Variants in IARS1 observed in about 807,000 individuals in gnomAD.
The protein encoded by IARS1 is isoleucyl-tRNA synthetase 1, also known as isoleucine--tRNA ligase, cytoplasmic.
In IARS1, 124 loss-of-function variants were observed where a neutral mutation model predicts 168.2. That is an observed-to-expected ratio of 0.74 (90% CI 0.64 to 0.86). The LOEUF (loss-of-function observed/expected upper bound fraction) is 0.86. Ranked by LOEUF, IARS1 falls within the 40% of genes least tolerant of loss-of-function variation. IARS1 has a pLI of 0.00. For missense variants in IARS1, 1,452 were observed against 1,515.8 expected, an observed-to-expected ratio of 0.96 and a Z score of 0.70; for synonymous variants, 532 against 529.4, an observed-to-expected ratio of 1.00 and a Z score of -0.07.
At chr9:92,236,339 A>G (rs577861141) in intron 30 of IARS1, among the ~76,000 whole-genome samples, 2 of 152,162 alleles carry the variant, frequency 1.3e-5, no homozygotes, top group Non-Finnish European at 2.9e-5. Flanking sequence ...TAATAACCAC[A>G]TAAAATGAGT....
chr9:92,221,602 A>G (rs941926370), intron 33 of IARS1, among the ~76,000 whole-genome samples: 1 of 152,244 alleles, frequency 6.6e-6, no homozygotes, highest in African/African-American at 2.4e-5. Flanking sequence ...AAGTTGACAG[A>G]GCAGCCACAG....
intron 30 of IARS1, among the ~76,000 whole-genome samples, chr9:92,229,992 C>CT (rs1826406207): frequency 1.3e-5 from 2 of 149,932 alleles, no homozygotes; most frequent in African/African-American, 4.9e-5. Context: ...CCATTCCCTC[C>CT]TTAATCCCTG....
chr9:92,227,715 C>T (rs1465350382), intron 31 of IARS1, among the ~76,000 whole-genome samples: 14 of 150,022 alleles, frequency 9.3e-5, no homozygotes, highest in African/African-American at 2.7e-4. Flanking sequence ...AGGGCAGAGG[C>T]GCTCCCCACA....
chr9:92,283,998 TG>T (rs1476506091), intron 6 of IARS1, among the ~76,000 whole-genome samples: 2 of 152,034 alleles, frequency 1.3e-5, no homozygotes, highest in African/African-American at 4.8e-5. Flanking sequence ...CCAGGCAACA[TG>T]GTGAAACCAC....
chr9:92,275,577 G>T (rs927273759), intron 9 of IARS1, among the ~76,000 whole-genome samples: 1 of 152,184 alleles, frequency 6.6e-6, no homozygotes, highest in African/African-American at 2.4e-5. Context: ...CAGAATACAT[G>T]GGTCCTTAGA....
rs750537974 is a variant in IARS1, at chr9:92,274,507, G to A, written c.909C>T (p.Gly303=). Residue 303 remains glycine, a synonymous_variant, in exon 10 of 34, where the codon GGC becomes GGT. Coordinates refer to ENST00000443024, the MANE Select transcript of IARS1 (RefSeq NM_002161.6). ...AGTTGTCAACAAGCACAGTGAAAGC[G>A]CCATTCTCTTTACACTGGAAAGAAA... The part of the protein sequence containing the change: ...FDYFLKCKEN[G]AFTVLVDNYV... The A allele has an allele frequency of 1.1e-5, 17 of 1,613,156 alleles. No individual in the cohort carries two copies. The highest frequency in any genetic ancestry group is 1.7e-4 in the Middle Eastern group (1 of 6,054).
intron 20 of IARS1, among the ~76,000 whole-genome samples, chr9:92,255,455 C>T (rs1326174434): frequency 6.6e-6 from 1 of 152,196 alleles, no homozygotes; most frequent in Non-Finnish European, 1.5e-5. Context: ...CCTGGACCTA[C>T]AGTTGTGATT....
chr9:92,222,744 C>T (rs545005422), intron 32 of IARS1, 72 bp from the exon 33 acceptor site: 20 of 1,520,582 alleles, frequency 1.3e-5, no homozygotes, highest in Middle Eastern at 2.1e-4. Flanking sequence ...GTGGCCACTG[C>T]GGACAGCTCT....
At chr9:92,212,911 G>A (rs1290695320) in intron 33 of IARS1, among the ~76,000 whole-genome samples, 2 of 152,052 alleles carry the variant, frequency 1.3e-5, no homozygotes, top group Non-Finnish European at 2.9e-5. Context: ...ACAAAATCAA[G>A]GCAGGAATGT....
intron 29 of IARS1, 51 bp from the exon 30 acceptor site, chr9:92,241,012 G>A (rs1385202215): frequency 3.0e-6 from 3 of 1,003,858 alleles, no homozygotes; most frequent in Non-Finnish European, 4.8e-6. Flanking sequence ...TGACTGCAAT[G>A]TGCCACACCA....
At chr9:92,229,256 T>C (rs769401377) in intron 30 of IARS1, 130 bp from the exon 31 acceptor site, 17 of 687,964 alleles carry the variant, frequency 2.5e-5, no homozygotes, top group South Asian at 2.2e-4. Context: ...CTATACACTA[T>C]ATATATGTGT....
At chr9:92,274,200 C>T (rs1250483966) in intron 10 of IARS1, among the ~76,000 whole-genome samples, 1 of 151,894 alleles carries the variant, frequency 6.6e-6, no homozygotes, top group Non-Finnish European at 1.5e-5. Flanking sequence ...TCAAAACTCA[C>T]GGAACTGCAC....
chr9:92,248,851 A>T (rs935826139), intron 25 of IARS1, among the ~76,000 whole-genome samples: 1 of 152,160 alleles, frequency 6.6e-6, no homozygotes, highest in Non-Finnish European at 1.5e-5. Flanking sequence ...ATGAAATTTT[A>T]AAAAATATTT....
Position 92,251,838 on chromosome 9 carries a change from A to G in IARS1, c.2277T>C (p.Phe759=), listed in dbSNP as rs1232889999. The G allele has an allele frequency of 9.9e-6, 16 of 1,614,058 alleles. No homozygotes were observed. The highest frequency in any genetic ancestry group is 1.4e-5 in the Non-Finnish European group (16 of 1,179,870). The change falls in exon 22 of 34, where the codon TTT becomes TTC. Residue 759 remains phenylalanine, a synonymous_variant. Coordinates refer to ENST00000443024, the MANE Select transcript of IARS1 (RefSeq NM_002161.6). ...GTCTGCAAAGAGAAAGCAGAACACT[A>G]AACAAGGTTTCTAGGGCCATGACAC... The part of the protein sequence containing the change: ...EDCVMALETL[F]SVLLSLCRLM...
chr9:92,249,035 T>C (rs572956492), intron 25 of IARS1, among the ~76,000 whole-genome samples: 18 of 152,310 alleles, frequency 1.2e-4, no homozygotes, highest in East Asian at 9.7e-4. Context: ...TACACTGATA[T>C]ATGCATATAT....
chr9:92,277,744 C>A, intron 9 of IARS1, 119 bp downstream of exon 9: 1 of 730,098 alleles, frequency 1.4e-6, no homozygotes, highest in Non-Finnish European at 2.2e-6. Flanking sequence ...GGTACTAAAG[C>A]AGACTTTCTG....
intron 13 of IARS1, among the ~76,000 whole-genome samples, chr9:92,268,995 C>A (rs1253751695): frequency 1.3e-5 from 2 of 152,150 alleles, no homozygotes; most frequent in Non-Finnish European, 2.9e-5. Context: ...TTCTCTTGGG[C>A]ACTGCAGTTA....
rs139432496 is a variant in IARS1 at position 92,222,440 on chromosome 9, T to A, written c.3706+80A>T. The A allele has an allele frequency of 1.4e-4, 156 of 1,094,328 alleles. No homozygotes were observed. The African/African-American group carries it at 2.2e-3, about 15-fold the overall frequency. 67.8% of individuals were successfully genotyped at this position (1,094,328 alleles called of 1,614,324 possible). On this transcript the variant is annotated intron_variant, in intron 33 of 33. Transcript: ENST00000443024. ...AGGATAACAATAGTACTATCTTACA[T>A]GTATATGCTACAAATGGTTAATGGC...
At chr9:92,229,158 G>C in intron 30 of IARS1, 32 bp from the exon 31 acceptor site, 1 of 1,597,372 alleles carries the variant, frequency 6.3e-7, no homozygotes, top group Non-Finnish European at 8.5e-7. Flanking sequence ...ACCTCAATCA[G>C]ACAAATAAAA....
Sources: allele counts gnomAD v4.1 joint callset (sites outside exome capture counted in the v4.1 genomes callset), GRCh38; gene constraint gnomAD v4.1.1; transcripts MANE v1.5; gene names NCBI Gene and HGNC (gene_info 2026-07-23, HGNC 2026-07-21).